LANCL1: variants seen among roughly 807,000 people sequenced by gnomAD.
LANCL1 encodes glutathione S-transferase LANCL1.
A neutral mutation model predicts 50.6 loss-of-function variants in LANCL1; 50 were observed. The observed-to-expected ratio is 0.99, with a 90% CI of 0.79 to 1.25. The LOEUF (loss-of-function observed/expected upper bound fraction) is 1.25, where lower values mean the gene tolerates loss of function less well. LANCL1 is among the 50% of genes most tolerant of loss of function. The pLI is 0.00. For synonymous variants in LANCL1, 188 were observed against 178.6 expected (o/e 1.05, Z -0.42); for missense variants, 532 against 480.7 (o/e 1.11, Z -1.00).
At chr2:210,466,272 A>G (rs1694055272) in intron 3 of LANCL1, among the ~76,000 whole-genome samples, 1 of 152,174 alleles carries the variant, frequency 6.6e-6, no homozygotes, top group Non-Finnish European at 1.5e-5. Flanking sequence ...CAGCCTCTAC[A>G]TCAGGGGGTC....
intron 3 of LANCL1, 83 bp from the exon 4 acceptor site, chr2:210,455,397 G>C (rs1323420178): frequency 3.5e-6 from 4 of 1,133,792 alleles, no homozygotes; most frequent in Admixed American, 2.5e-5. Context: ...ACTCAGCAGC[G>C]ATTTTTGATA....
intron 4 of LANCL1, among the ~76,000 whole-genome samples, chr2:210,450,481 A>C (rs1012700096): frequency 2.6e-5 from 4 of 152,252 alleles, no homozygotes; most frequent in African/African-American, 7.2e-5. Context: ...AACAAAAGCC[A>C]AAATTGACAA....
Position 210,432,011 on chromosome 2 carries a change from T to C in LANCL1, c.*2476A>G, listed in dbSNP as rs1450806872. The stretch of plus-strand genomic sequence containing the variant: ...CCTGTATAGAGATAAGAGATGATGG[T>C]ATTGAGTTTTCTAGGAACCAACTTC... On this transcript the variant is annotated 3_prime_UTR_variant, in exon 10 of 10. Coordinates refer to ENST00000450366, the MANE Select transcript of LANCL1 (RefSeq NM_006055.3). 1.3e-5 allele frequency: 2 copies of C among 152,184 alleles called. No individual in the cohort carries two copies. The highest frequency in any genetic ancestry group is 2.9e-5 in the Non-Finnish European group (2 of 68,040). 9.4% of individuals were successfully genotyped at this position (152,184 alleles called of 1,614,324 possible).
chr2:210,476,266 G>C (rs747454233), intron 2 of LANCL1, 50 bp downstream of exon 2: 1 of 1,406,486 alleles, frequency 7.1e-7, no homozygotes, highest in South Asian at 1.2e-5. Flanking sequence ...GCACCTTTCC[G>C]AACACCGTGG....
At position 210,432,560 on chromosome 2, in the gene LANCL1, C is replaced by G. The variant is rs1310016144; in HGVS notation, c.*1927G>C. The G allele has an allele frequency of 3.9e-5, 6 of 152,204 alleles. No individual in the cohort carries two copies. The highest frequency in any genetic ancestry group is 8.8e-5 in the Non-Finnish European group (6 of 68,036). The allele number at this position is 152,204 out of a possible 1,614,324, so 9.4% of individuals were successfully genotyped here. On this transcript the variant is annotated 3_prime_UTR_variant, in exon 10 of 10. Coordinates refer to ENST00000450366, the MANE Select transcript of LANCL1 (RefSeq NM_006055.3). ...TTCCTGGGGTTAAGCATTGCTATCA[C>G]GATGCTTGGAGAACTGTGATCAAGT...
chr2:210,436,305 G>C lies in LANCL1; in HGVS notation c.961C>G (p.Leu321Val), dbSNP rs779319985. The change falls in exon 8 of 10, where the codon CTG (leucine) becomes GTG (valine). Residue 321 changes from leucine (L) to valine (V), a missense_variant. Transcript: ENST00000450366. ...QYGLLKKGYG[L>V]CHGSAGNAYA... ...GCATTCCCTGCAGAACCGTGGCACAGCCCATATCCCTTCTTCAGCAACCCA... is the reference window on the plus strand; with the variant it reads ...GCATTCCCTGCAGAACCGTGGCACACCCCATATCCCTTCTTCAGCAACCCA... 6.2e-7 allele frequency: 1 copy of C among 1,614,032 alleles called. No homozygotes were observed. Among genetic ancestry groups the C allele is most frequent in the South Asian group, 1.1e-5 (1 of 91,086 alleles).
At chr2:210,451,452 C>T (rs1319507732) in intron 4 of LANCL1, among the ~76,000 whole-genome samples, 1 of 152,096 alleles carries the variant, frequency 6.6e-6, no homozygotes, top group Non-Finnish European at 1.5e-5. Flanking sequence ...TACACATGTA[C>T]CCCGGAACTC....
Position 210,457,168 on chromosome 2 carries a change from T to C in LANCL1, c.200-1854A>G, listed in dbSNP as rs548840411. Among the ~76,000 whole-genome samples, 7 of 152,290 alleles carry C rather than the reference T, an allele frequency of 4.6e-5. No individual in the cohort carries two copies. The East Asian group carries it at 1.4e-3, about 29-fold the overall frequency. On this transcript the variant is annotated intron_variant, in intron 3 of 9. Coordinates refer to ENST00000450366, the MANE Select transcript of LANCL1 (RefSeq NM_006055.3). The stretch of plus-strand genomic sequence containing the variant: ...TACATTCCCTGTCACAGAACATCCA[T>C]GGTGGAAAAGGACTTTAAGTGGTGA...
At chr2:210,440,075 T>C (rs1693080034) in intron 6 of LANCL1, among the ~76,000 whole-genome samples, 2 of 152,188 alleles carry the variant, frequency 1.3e-5, no homozygotes, top group Admixed American at 1.3e-4. Flanking sequence ...GCCCCAATAG[T>C]ATTAGATCCC....
chr2:210,441,699 G>A (rs1693142686), intron 4 of LANCL1, among the ~76,000 whole-genome samples: 1 of 152,090 alleles, frequency 6.6e-6, no homozygotes. Flanking sequence ...AATCTCCCTA[G>A]TTCCTCATGG....
chr2:210,448,236 T>C (rs1693404534), intron 4 of LANCL1, among the ~76,000 whole-genome samples: 2 of 152,174 alleles, frequency 1.3e-5, no homozygotes, highest in Non-Finnish European at 1.5e-5. Flanking sequence ...GTGAACAACC[T>C]GCTCCTGAAT....
chr2:210,456,400 G>C (rs959845979), intron 3 of LANCL1, among the ~76,000 whole-genome samples: 4 of 152,060 alleles, frequency 2.6e-5, no homozygotes, highest in Non-Finnish European at 5.9e-5. Context: ...CCAAAGCTTT[G>C]TGCTACAGAC....
At chr2:210,434,899 G>A (rs1353662531) in intron 9 of LANCL1, among the ~76,000 whole-genome samples, 1 of 151,566 alleles carries the variant, frequency 6.6e-6, no homozygotes, top group Non-Finnish European at 1.5e-5. Context: ...CAATATTAAC[G>A]GCAATGATTT....
chr2:210,447,692 C>G (rs903963258), intron 4 of LANCL1, among the ~76,000 whole-genome samples: 5 of 151,958 alleles, frequency 3.3e-5, no homozygotes, highest in Non-Finnish European at 1.5e-5. Context: ...AAAAAAAAGG[C>G]AGGGGTTGCA....
intron 6 of LANCL1, among the ~76,000 whole-genome samples, chr2:210,438,975 C>T (rs961441689): frequency 1.3e-5 from 2 of 151,982 alleles, no homozygotes; most frequent in Non-Finnish European, 2.9e-5. Context: ...AGGAGGCGGT[C>T]GTGGTGGGGT....
intron 4 of LANCL1, among the ~76,000 whole-genome samples, chr2:210,442,282 T>A (rs1693164405): frequency 6.6e-6 from 1 of 152,188 alleles, no homozygotes; most frequent in South Asian, 2.1e-4. Flanking sequence ...CTAGTTCTCC[T>A]CAGAAATCAC....
chr2:210,432,516 T>C lies in LANCL1; in HGVS notation c.*1971A>G, dbSNP rs1692781020. On this transcript the variant is annotated 3_prime_UTR_variant, in exon 10 of 10. Transcript: ENST00000450366. ...AACAAGAATCTTATTTGAAATGTTC[T>C]TCTCCCTGCCTTGAAATCTTCCTGG... 6.6e-6 allele frequency: 1 copy of C among 152,200 alleles called. No individual in the cohort carries two copies. The highest frequency in any genetic ancestry group is 2.1e-4 in the South Asian group (1 of 4,832). The allele number at this position is 152,200 out of a possible 1,614,324, so 9.4% of individuals were successfully genotyped here.
intron 4 of LANCL1, among the ~76,000 whole-genome samples, chr2:210,452,479 A>T (rs1489973828): frequency 6.6e-6 from 1 of 152,154 alleles, no homozygotes; most frequent in Non-Finnish European, 1.5e-5. Context: ...AAATTAATGC[A>T]ATGTATTGTC....
chr2:210,461,038 G>C (rs1337122098), intron 3 of LANCL1, among the ~76,000 whole-genome samples: 3 of 152,142 alleles, frequency 2.0e-5, no homozygotes, highest in African/African-American at 7.2e-5. Flanking sequence ...ACTGTGCTAA[G>C]TGTTGACGTT....
Sources: allele counts gnomAD v4.1 joint callset (sites outside exome capture counted in the v4.1 genomes callset), GRCh38; gene constraint gnomAD v4.1.1; transcripts MANE v1.5; gene names NCBI Gene and HGNC (gene_info 2026-07-23, HGNC 2026-07-21).